Variants in TTLL2 observed in about 807,000 individuals in gnomAD.
TTLL2 encodes the protein tubulin tyrosine ligase like 2.
In TTLL2, 10 loss-of-function variants were observed where a neutral mutation model predicts 7.5. The ratio of observed to expected loss-of-function variants is 1.33; its 90% confidence interval spans 0.82 to 2.25. The LOEUF (loss-of-function observed/expected upper bound fraction) is 2.25. Among genes scored for constraint, TTLL2 ranks in the 30% most tolerant of loss-of-function variants. The pLI is 0.00. For synonymous variants in TTLL2, 284 were observed against 280.3 expected (o/e 1.01, Z -0.13); for missense variants, 733 against 735.7 (o/e 1.00, Z 0.04).
intron 1 of TTLL2, among the ~76,000 whole-genome samples, chr6:167,327,175 T>C (rs1241784190): frequency 1.3e-5 from 2 of 152,220 alleles, no homozygotes; most frequent in Non-Finnish European, 2.9e-5. Flanking sequence ...TCTTGCTTAG[T>C]GAAACTTCAT....
chr6:167,337,265 G>T (rs58347089), intron 1 of TTLL2, among the ~76,000 whole-genome samples: 3,228 of 152,364 alleles, frequency 0.021, 129 homozygotes, highest in African/African-American at 0.074. Context: ...CAGATGCGTA[G>T]TTGAAATGGG....
chr6:167,328,078 G>T (rs989723350), intron 1 of TTLL2: 11 of 451,600 alleles, frequency 2.4e-5, no homozygotes, highest in Non-Finnish European at 4.8e-5. Flanking sequence ...CAAATGGAAA[G>T]TTGCTCTGGG....
At chr6:167,336,159 G>A (rs1778981542) in intron 1 of TTLL2, among the ~76,000 whole-genome samples, 1 of 151,846 alleles carries the variant, frequency 6.6e-6, no homozygotes, top group Non-Finnish European at 1.5e-5. Flanking sequence ...TCCTACAGAT[G>A]TCCAGTGTGG....
At chr6:167,338,242 C>T (rs1779017026) in intron 1 of TTLL2, among the ~76,000 whole-genome samples, 1 of 151,908 alleles carries the variant, frequency 6.6e-6, no homozygotes, top group South Asian at 2.1e-4. Flanking sequence ...ACACAAGCAA[C>T]ACACACAACT....
In TTLL2 at chr6:167,340,203, C is replaced by A; in HGVS notation, c.303C>A (p.Ser101Arg). ...AGACCACCCCGGCTGTGGTGCAAAGCGTCCTCCTGGAGAGGGGGTGGAATA... is the reference window on the plus strand; with the variant it reads ...AGACCACCCCGGCTGTGGTGCAAAGAGTCCTCCTGGAGAGGGGGTGGAATA... ...VDETTPAVVQ[S>R]VLLERGWNKF... The change falls in exon 3 of 3, where the codon AGC (serine) becomes AGA (arginine). Residue 101 changes from serine to arginine, a missense_variant. Coordinates refer to ENST00000239587, the MANE Select transcript of TTLL2 (RefSeq NM_031949.5). 1 of 1,613,712 alleles carries A rather than the reference C, an allele frequency of 6.2e-7. No individual in the cohort carries two copies. Among genetic ancestry groups the A allele is most frequent in the Non-Finnish European group, 8.5e-7 (1 of 1,179,868 alleles).
intron 2 of TTLL2, 40 bp from the exon 3 acceptor site, chr6:167,340,064 CT>C (rs1309349823): frequency 1.3e-6 from 2 of 1,536,424 alleles, no homozygotes; most frequent in South Asian, 2.6e-5. Flanking sequence ...AGGTTATGGT[CT>C]TGACCACTCT....
At chr6:167,331,014 G>T (rs550002324) in intron 1 of TTLL2, among the ~76,000 whole-genome samples, 1 of 152,302 alleles carries the variant, frequency 6.6e-6, no homozygotes, top group African/African-American at 2.4e-5. Context: ...AGAACACAGG[G>T]TGAGGTCATG....
chr6:167,325,158 T>C lies in TTLL2; in HGVS notation c.-16T>C, dbSNP rs367946596. On this transcript the variant is annotated 5_prime_UTR_variant, in exon 1 of 3. Coordinates refer to ENST00000239587, the MANE Select transcript of TTLL2 (RefSeq NM_031949.5). ...GCACAGAGACCCACAGAGGCCACCC[T>C]CGGAACCAGCGCCCAATGAGAGGGC... The C allele has an allele frequency of 5.1e-6, 8 of 1,571,628 alleles. No homozygotes were observed. Among genetic ancestry groups the C allele is most frequent in the Non-Finnish European group, 6.9e-6 (8 of 1,159,678 alleles).
rs1779103172 is a variant in TTLL2, at chr6:167,341,906, T to A, written c.*227T>A. On this transcript the variant is annotated 3_prime_UTR_variant, in exon 3 of 3. Coordinates refer to ENST00000239587, the MANE Select transcript of TTLL2 (RefSeq NM_031949.5). ...CATCCCATGTTTATTTGCTCAGGTG[T>A]CTTGAAAGAATTCTACAAATACCAC... The A allele has an allele frequency of 1.9e-6, 1 of 522,472 alleles. No homozygotes were observed. Among genetic ancestry groups the A allele is most frequent in the Non-Finnish European group, 3.3e-6 (1 of 302,556 alleles). The allele number at this position is 522,472 out of a possible 1,614,324, so 32.4% of individuals were successfully genotyped here.
At chr6:167,331,905 G>T (rs996995266) in intron 1 of TTLL2, among the ~76,000 whole-genome samples, 2 of 152,158 alleles carry the variant, frequency 1.3e-5, no homozygotes, top group Non-Finnish European at 1.5e-5. Flanking sequence ...TTCTGACGAC[G>T]AGGCACCCCT....
intron 1 of TTLL2, among the ~76,000 whole-genome samples, chr6:167,331,642 A>C (rs1293887838): frequency 6.6e-6 from 1 of 152,178 alleles, no homozygotes; most frequent in Non-Finnish European, 1.5e-5. Context: ...ATGGCCAGAG[A>C]AGGGCTCCGT....
chr6:167,339,608 T>A (rs1779042262), intron 2 of TTLL2, among the ~76,000 whole-genome samples: 1 of 152,170 alleles, frequency 6.6e-6, no homozygotes, highest in Non-Finnish European at 1.5e-5. Context: ...TGGGGAACCA[T>A]GGTAGGTGCC....
intron 2 of TTLL2, 61 bp downstream of exon 2, chr6:167,338,864 C>CTTCCTTCCTTCT: frequency 6.9e-7 from 1 of 1,446,010 alleles, no homozygotes; most frequent in South Asian, 1.4e-5. Context: ...TCCTTCCTTC[C>CTTCCTTCCTTCT]TTCTTTCCTC....
chr6:167,334,155 T>C (rs1241175364), intron 1 of TTLL2, among the ~76,000 whole-genome samples: 2 of 143,538 alleles, frequency 1.4e-5, no homozygotes, highest in Non-Finnish European at 3.0e-5. Flanking sequence ...TTTGTTCTCG[T>C]TGGTTTCAAA....
chr6:167,329,435 C>T (rs1250620636), intron 1 of TTLL2, among the ~76,000 whole-genome samples: 4 of 152,044 alleles, frequency 2.6e-5, no homozygotes, highest in East Asian at 3.8e-4. Flanking sequence ...GCCCGGAGAG[C>T]GGTTTTAGTT....
intron 1 of TTLL2, 39 bp downstream of exon 1, chr6:167,325,259 C>G: frequency 6.7e-7 from 1 of 1,495,952 alleles, no homozygotes; most frequent in East Asian, 2.6e-5. Context: ...GGAGGGTGGC[C>G]CCGATCATGC....
chr6:167,339,281 C>A (rs1008725180), intron 2 of TTLL2, among the ~76,000 whole-genome samples: 1 of 152,082 alleles, frequency 6.6e-6, no homozygotes, highest in Non-Finnish European at 1.5e-5. Context: ...GACATATGTA[C>A]ATTTTTATCA....
chr6:167,335,715 G>A lies in TTLL2; in HGVS notation c.48-2932G>A, dbSNP rs980784137. 5.3e-5 allele frequency among the ~76,000 whole-genome samples: 8 copies of A among 150,966 alleles called. No homozygotes were observed. In the South Asian group the frequency reaches 6.3e-4, roughly 12 times the overall value. On this transcript the variant is annotated intron_variant, in intron 1 of 2. Transcript: ENST00000239587. ...AAACCATCATTCTCAGTAAACTATC[G>A]CAAGAACAAAAAACCAAACACCACA...
At chr6:167,338,877 T>TCTTTCCTC (rs1779031866) in intron 2 of TTLL2, 74 bp downstream of exon 2, 8 of 1,425,086 alleles carry the variant, frequency 5.6e-6, no homozygotes, top group African/African-American at 2.9e-5. Context: ...CTTTCCTCCT[T>TCTTTCCTC]CTTTTTTCCC....
Sources: allele counts gnomAD v4.1 joint callset (sites outside exome capture counted in the v4.1 genomes callset), GRCh38; gene constraint gnomAD v4.1.1; transcripts MANE v1.5; gene names NCBI Gene and HGNC (gene_info 2026-07-23, HGNC 2026-07-21).